GATAD2A: variants seen among roughly 807,000 people sequenced by gnomAD.
The protein encoded by GATAD2A is transcriptional repressor p66-alpha.
A neutral mutation model predicts 68.5 loss-of-function variants in GATAD2A; 12 were observed. The observed-to-expected ratio is 0.18, with a 90% CI of 0.11 to 0.28. The LOEUF (loss-of-function observed/expected upper bound fraction) is 0.28. Among genes scored for constraint, GATAD2A ranks in the 10% least tolerant of loss-of-function variants. GATAD2A has a pLI of 1.00. For synonymous variants in GATAD2A, 410 were observed against 375.3 expected (o/e 1.09, Z -1.07); for missense variants, 755 against 868.5 (o/e 0.87, Z 1.64).
At chr19:19,423,933 T>C (rs1005683557) in intron 1 of GATAD2A, among the ~76,000 whole-genome samples, 2 of 152,196 alleles carry the variant, frequency 1.3e-5, no homozygotes, top group African/African-American at 2.4e-5. Context: ...TATGTTCTTT[T>C]CTTTTAAGAA....
chr19:19,507,318 CAAAT>C lies in GATAD2A; in HGVS notation c.*1850_*1853del, dbSNP rs961338107. The C allele has an allele frequency of 1.3e-5, 2 of 151,572 alleles. No homozygotes were observed. The highest frequency in any genetic ancestry group is 4.9e-5 in the African/African-American group (2 of 41,170). The allele number at this position is 151,572 out of a possible 1,614,324, so 9.4% of individuals were successfully genotyped here. A position where few individuals can be genotyped will look rare whatever the true frequency, so the allele number is the denominator to read the frequency against. On this transcript the variant is annotated 3_prime_UTR_variant, in exon 12 of 12. Transcript: ENST00000683918. The stretch of plus-strand genomic sequence containing the variant: ...TCCTCGCATTTTTCTGTGTGCCTGG[CAAAT>C]AAATACCTGTCTCCTACGACCCTGA...
intron 2 of GATAD2A, among the ~76,000 whole-genome samples, chr19:19,478,082 T>C (rs1352961709): frequency 6.6e-6 from 1 of 152,146 alleles, no homozygotes; most frequent in African/African-American, 2.4e-5. Context: ...TTTTAGTACC[T>C]CTCACTTTTC....
chr19:19,419,802 C>T (rs1351050406), intron 1 of GATAD2A, among the ~76,000 whole-genome samples: 2 of 151,794 alleles, frequency 1.3e-5, no homozygotes, highest in African/African-American at 2.4e-5. Flanking sequence ...TGTAAGTCAC[C>T]GCCCTGGATG....
chr19:19,441,630 C>A, intron 1 of GATAD2A: 1 of 174,394 alleles, frequency 5.7e-6, no homozygotes, highest in Non-Finnish European at 1.3e-5. Flanking sequence ...GGCGTGATTT[C>A]GGCTCCTTGC....
rs372156363 is a variant in GATAD2A at position 19,396,704 on chromosome 19, T to TTTTCTTTC, written c.-7+10578_-7+10585dup. Among the ~76,000 whole-genome samples the TTTTCTTTC allele has an allele frequency of 9.3e-4, 141 of 152,154 alleles. No homozygotes were observed. The East Asian group carries it at 0.014, about 15-fold the overall frequency. Reference sequence around the variant, plus strand: ...GACCTGTTTGTTAGGTTTCTTTTTCTTTTCTTTCTTTCTTTCTTTTTTTTG... The same window carrying TTTTCTTTC: ...GACCTGTTTGTTAGGTTTCTTTTTCTTTTCTTTCTTTCTTTCTTTCTTTCTTTTTTTTG... On this transcript the variant is annotated intron_variant, in intron 1 of 11. Transcript: ENST00000360315.
intron 2 of GATAD2A, among the ~76,000 whole-genome samples, chr19:19,468,518 A>G (rs149227365): frequency 2.6e-4 from 40 of 152,392 alleles, no homozygotes; most frequent in Admixed American, 2.3e-3. Context: ...CATCATAGTC[A>G]AACTGTAGAA....
rs1295122311 is a variant in GATAD2A at position 19,508,734 on chromosome 19, G to A, written c.*3260G>A. On this transcript the variant is annotated 3_prime_UTR_variant, in exon 12 of 12. Coordinates refer to ENST00000683918, the MANE Select transcript of GATAD2A (RefSeq NM_001384528.1). ...TTACACTAGTGCAGGGTATTGGGGA[G>A]GCTCTTTGGGTGTGGAGGCTGTCAC... The A allele has an allele frequency of 2.0e-5, 3 of 152,172 alleles. No individual in the cohort carries two copies. The highest frequency in any genetic ancestry group is 2.9e-5 in the Non-Finnish European group (2 of 68,024). The allele number at this position is 152,172 out of a possible 1,614,324, so 9.4% of individuals were successfully genotyped here. A position where few individuals can be genotyped will look rare whatever the true frequency, so the allele number is the denominator to read the frequency against.
At chr19:19,457,915 A>T (rs1715663534) in intron 1 of GATAD2A, among the ~76,000 whole-genome samples, 1 of 152,046 alleles carries the variant, frequency 6.6e-6, no homozygotes, top group African/African-American at 2.4e-5. Context: ...TCTCCAACTC[A>T]TGCAGGCTCT....
At chr19:19,437,859 A>C (rs1479606733) in intron 1 of GATAD2A, among the ~76,000 whole-genome samples, 1 of 152,132 alleles carries the variant, frequency 6.6e-6, no homozygotes, top group Non-Finnish European at 1.5e-5. Context: ...TTTTTTAGTT[A>C]TTGTGAATAG....
chr19:19,447,966 C>G (rs745334706), intron 1 of GATAD2A, among the ~76,000 whole-genome samples: 8 of 152,258 alleles, frequency 5.3e-5, no homozygotes, highest in Non-Finnish European at 7.3e-5. Flanking sequence ...AGGGCCACAG[C>G]TTCGCCTGGC....
In GATAD2A at chr19:19,505,396, G is replaced by T. The variant is rs375507691; in HGVS notation, c.1827G>T (p.Ser609=). Residue 609 remains serine, a synonymous_variant, in exon 12 of 12, where the codon TCG becomes TCT. Transcript: ENST00000683918. ...SPSLAVHKSS[S]AVDRQREYLL... ...GCCTGGCGGTGCACAAGAGCTCCTC[G>T]GCCGTGGACCGCCAGCGAGAGTACC... 1.9e-5 allele frequency: 30 copies of T among 1,612,706 alleles called. No homozygotes were observed. Among genetic ancestry groups the T allele is most frequent in the African/African-American group, 9.3e-5 (7 of 74,876 alleles).
intron 1 of GATAD2A, among the ~76,000 whole-genome samples, chr19:19,397,810 A>C (rs1370570985): frequency 2.0e-5 from 3 of 151,808 alleles, no homozygotes; most frequent in African/African-American, 7.3e-5. Flanking sequence ...GCAGCTTTGA[A>C]CTCTTAGGCC....
chr19:19,492,525 C>A, intron 3 of GATAD2A, 56 bp from the exon 4 acceptor site: 1 of 1,611,376 alleles, frequency 6.2e-7, no homozygotes, highest in Non-Finnish European at 8.5e-7. Flanking sequence ...GATGGCAGGG[C>A]CTCTGCTCCT....
At chr19:19,414,219 A>G (rs917575618) in intron 1 of GATAD2A, among the ~76,000 whole-genome samples, 3 of 152,178 alleles carry the variant, frequency 2.0e-5, no homozygotes, top group Non-Finnish European at 4.4e-5. Context: ...GATTAGAAAT[A>G]TAACTATTTT....
At chr19:19,419,772 T>C (rs2052122695) in intron 1 of GATAD2A, among the ~76,000 whole-genome samples, 1 of 152,048 alleles carries the variant, frequency 6.6e-6, no homozygotes, top group African/African-American at 2.4e-5. Flanking sequence ...TGCCTTGGCC[T>C]CCCAAAGTGC....
At chr19:19,463,197 G>C (rs1307438280) in intron 1 of GATAD2A, among the ~76,000 whole-genome samples, 1 of 152,142 alleles carries the variant, frequency 6.6e-6, no homozygotes, top group Non-Finnish European at 1.5e-5. Context: ...GTCTAAGGCA[G>C]TGCTTGAAGG....
intron 1 of GATAD2A, among the ~76,000 whole-genome samples, chr19:19,448,493 T>C (rs1439095358): frequency 6.6e-6 from 1 of 152,156 alleles, no homozygotes; most frequent in Non-Finnish European, 1.5e-5. Context: ...TGTGTTGTGT[T>C]GTGTTGTGTT....
chr19:19,400,669 ATAAT>A (rs1032436316), intron 1 of GATAD2A, among the ~76,000 whole-genome samples: 25 of 152,296 alleles, frequency 1.6e-4, no homozygotes, highest in African/African-American at 5.5e-4. Flanking sequence ...AAATCACTTA[ATAAT>A]TAATCTTTTC....
chr19:19,489,825 G>A (rs1219757499), intron 2 of GATAD2A, among the ~76,000 whole-genome samples: 4 of 152,190 alleles, frequency 2.6e-5, no homozygotes, highest in African/African-American at 7.2e-5. Flanking sequence ...TGCTGCCTTG[G>A]CCCCCTGCTC....
Sources: gnomAD v4.1 joint callset for allele counts (sites outside exome capture counted in the v4.1 genomes callset) on GRCh38, gnomAD v4.1.1 for gene constraint, MANE v1.5 for transcripts, NCBI Gene and HGNC (gene_info 2026-07-23, HGNC 2026-07-21) for gene names.